The following GALNT9 variants were observed in gnomAD, a reference collection of about 807,000 sequenced individuals.
The protein encoded by GALNT9 is GalNAc transferase 9.
A neutral mutation model predicts 63.1 loss-of-function variants in GALNT9; 47 were observed. The ratio of observed to expected loss-of-function variants is 0.75; its 90% confidence interval spans 0.59 to 0.95. GALNT9 has a LOEUF of 0.95. Among genes scored for constraint, GALNT9 ranks in the 40% least tolerant of loss-of-function variants. The pLI, the probability that GALNT9 is intolerant of heterozygous loss-of-function variation, is 0.00. For missense variants in GALNT9, 829 were observed against 874.8 expected, an observed-to-expected ratio of 0.95 and a Z score of 0.66; for synonymous variants, 396 against 365.7, an observed-to-expected ratio of 1.08 and a Z score of -0.94.
intron 2 of GALNT9, among the ~76,000 whole-genome samples, chr12:132,285,478 G>C (rs1348088105): frequency 2.0e-5 from 3 of 152,284 alleles, no homozygotes; most frequent in Non-Finnish European, 4.4e-5. Context: ...CAGCGACCAA[G>C]CTCCATCCTG....
intron 2 of GALNT9, chr12:132,273,038 C>G (rs1235475976): frequency 6.6e-6 from 1 of 152,340 alleles, no homozygotes; most frequent in Non-Finnish European, 1.5e-5. Context: ...TGTGGTCATT[C>G]TCGCTGCCAG....
rs187467845 is a variant in GALNT9 at position 132,199,881 on chromosome 12, C to T, written c.1402-612G>A. The stretch of plus-strand genomic sequence containing the variant: ...GTAGATGCTTATTGCTTTTGTCCAC[C>T]GCGTCTCCAGGCTGCTGGGTTTGCA... On this transcript the variant is annotated intron_variant, in intron 8 of 10. Transcript: ENST00000328957. Among the ~76,000 whole-genome samples the T allele has an allele frequency of 3.9e-3, 588 of 152,066 alleles. 1 individual carries two copies. The highest frequency in any genetic ancestry group is 0.022 in the South Asian group (106 of 4,802).
At chr12:132,312,757 C>T (rs782090197) in intron 1 of GALNT9, among the ~76,000 whole-genome samples, 6 of 152,182 alleles carry the variant, frequency 3.9e-5, no homozygotes, top group Admixed American at 6.5e-5. Context: ...TTCCCTCAGC[C>T]GCTTGCTGAA....
rs373053293 is a variant in GALNT9, at chr12:132,203,703, G to A, written c.1078-13C>T. On this transcript the variant is annotated splice_polypyrimidine_tract_variant and intron_variant, in intron 6 of 10. Transcript: ENST00000328957. ...CACACTGCCACACCTGCGGGGAGACGGCGCTGGGTGCCGGCGTCCTTCCCA... is the reference window on the plus strand; with the variant it reads ...CACACTGCCACACCTGCGGGGAGACAGCGCTGGGTGCCGGCGTCCTTCCCA... The A allele has an allele frequency of 1.1e-5, 18 of 1,608,024 alleles. No homozygotes were observed. The highest frequency in any genetic ancestry group is 2.7e-5 in the African/African-American group (2 of 74,932).
intron 6 of GALNT9, chr12:132,240,592 T>C (rs2136898759): frequency 2.0e-5 from 9 of 455,610 alleles, no homozygotes; most frequent in South Asian, 1.2e-4. Flanking sequence ...GGCTCGGCTG[T>C]GGGCTCCGTG....
chr12:132,309,102 C>T (rs1881723377), intron 1 of GALNT9, among the ~76,000 whole-genome samples: 1 of 152,256 alleles, frequency 6.6e-6, no homozygotes, highest in African/African-American at 2.4e-5. Context: ...AGCCCACATC[C>T]ACCGGGCTGC....
At chr12:132,295,759 G>A (rs1032232442) in intron 1 of GALNT9, among the ~76,000 whole-genome samples, 3 of 151,908 alleles carry the variant, frequency 2.0e-5, no homozygotes, top group Non-Finnish European at 2.9e-5. Context: ...GAGAGCCTCC[G>A]AACAGCGAGA....
intron 6 of GALNT9, among the ~76,000 whole-genome samples, chr12:132,226,503 A>T (rs1311613089): frequency 6.7e-6 from 1 of 148,720 alleles, no homozygotes; most frequent in East Asian, 2.0e-4. Flanking sequence ...TATGCCCCAT[A>T]CATACCATAT....
intron 6 of GALNT9, among the ~76,000 whole-genome samples, chr12:132,207,225 G>A (rs754871196): frequency 3.1e-4 from 47 of 152,130 alleles, no homozygotes; most frequent in Non-Finnish European, 5.1e-4. Context: ...ATCCGTCCCC[G>A]TCTCTGCCTG....
intron 2 of GALNT9, among the ~76,000 whole-genome samples, chr12:132,281,072 C>G (rs1880320433): frequency 6.6e-6 from 1 of 152,194 alleles, no homozygotes. Context: ...TTCAGTGGCC[C>G]CAGGGAAAGG....
At position 132,296,506 on chromosome 12, in the gene GALNT9, G is replaced by A. The variant is rs1188472889; in HGVS notation, c.239-10076C>T. Among the ~76,000 whole-genome samples, 4 of 152,208 alleles carry A rather than the reference G, an allele frequency of 2.6e-5. No homozygotes were observed. Among genetic ancestry groups the A allele is most frequent in the African/African-American group, 9.7e-5 (4 of 41,446 alleles). ...CAGACAGAATCAACACTGCAAGCTT[G>A]TCATCTTATCCTTGAATAAGATGTA... On this transcript the variant is annotated intron_variant, in intron 1 of 10. Transcript: ENST00000328957. The surrounding 1 kb of genome is among the most constrained non-coding windows in gnomAD (Gnocchi z 4.2).
At chr12:132,230,685 C>G (rs1877857158) in intron 6 of GALNT9, among the ~76,000 whole-genome samples, 1 of 152,254 alleles carries the variant, frequency 6.6e-6, no homozygotes, top group Non-Finnish European at 1.5e-5. Context: ...AAGGGTGAGG[C>G]CCGGTCCTCC....
chr12:132,291,233 C>G (rs1384843548), intron 1 of GALNT9, among the ~76,000 whole-genome samples: 1 of 40,868 alleles, frequency 2.4e-5, no homozygotes, highest in Non-Finnish European at 4.1e-5. Context: ...ACAGCGCCCA[C>G]GTCCACAGCG....
At chr12:132,308,587 TG>T (rs1312922129) in intron 1 of GALNT9, among the ~76,000 whole-genome samples, 1 of 148,496 alleles carries the variant, frequency 6.7e-6, no homozygotes, top group East Asian at 2.0e-4. Context: ...GGAGGTAAGG[TG>T]GGGTGGGAGG....
At chr12:132,261,247 C>A (rs1879372979) in intron 3 of GALNT9, 125 bp from the exon 4 acceptor site, 2 of 1,408,968 alleles carry the variant, frequency 1.4e-6, no homozygotes, top group Admixed American at 2.9e-5. Context: ...CTCTTAGGAC[C>A]CACTGAACCA....
At chr12:132,254,868 C>T (rs1381881024) in intron 5 of GALNT9, among the ~76,000 whole-genome samples, 7 of 152,154 alleles carry the variant, frequency 4.6e-5, no homozygotes, top group African/African-American at 9.7e-5. Flanking sequence ...ATGGGCTTGC[C>T]GGGAGCGGCT....
At chr12:132,212,165 G>A (rs539973314) in intron 6 of GALNT9, among the ~76,000 whole-genome samples, 6 of 148,934 alleles carry the variant, frequency 4.0e-5, no homozygotes, top group South Asian at 2.1e-4. Context: ...ACCACGACAC[G>A]GAAACCCCAC....
At chr12:132,205,584 ATGG>A (rs1876631849) in intron 6 of GALNT9, 1 of 152,154 alleles carries the variant, frequency 6.6e-6, no homozygotes, top group Non-Finnish European at 1.5e-5. Flanking sequence ...CTTCCCCGGG[ATGG>A]TGGAGTCCGC....
chr12:132,266,702 C>A (rs888432528), intron 2 of GALNT9, among the ~76,000 whole-genome samples: 4 of 152,224 alleles, frequency 2.6e-5, no homozygotes, highest in Non-Finnish European at 5.9e-5. Context: ...TGGAAGCCAC[C>A]TGCTTGTGGC....
Sources: gnomAD v4.1 joint callset for allele counts (sites outside exome capture counted in the v4.1 genomes callset) on GRCh38, gnomAD v4.1.1 for gene constraint, Gnocchi (gnomAD v3.1) non-coding constraint, MANE v1.5 for transcripts, NCBI Gene and HGNC (gene_info 2026-07-23, HGNC 2026-07-21) for gene names.